Variants in PDE4D observed in about 807,000 individuals in gnomAD.
The protein encoded by PDE4D is phosphodiesterase 4D.
Under a neutral mutation model 87.4 loss-of-function variants are expected in PDE4D, and 24 were observed. That is an observed-to-expected ratio of 0.27 (90% CI 0.20 to 0.39). The LOEUF (loss-of-function observed/expected upper bound fraction) is 0.39, where lower values mean the gene tolerates loss of function less well. Among genes scored for constraint, PDE4D ranks in the 10% least tolerant of loss-of-function variants. PDE4D has a pLI of 1.00. For missense variants in PDE4D, 714 were observed against 1,041.0 expected, an observed-to-expected ratio of 0.69 and a Z score of 4.32; for synonymous variants, 384 against 383.2, an observed-to-expected ratio of 1.00 and a Z score of -0.02.
intron 1 of PDE4D, among the ~76,000 whole-genome samples, chr5:59,882,378 T>G (rs1223741181): frequency 1.3e-5 from 2 of 152,136 alleles, no homozygotes; most frequent in African/African-American, 4.8e-5. Context: ...AAAATGTGTG[T>G]ATAGAAGAGT....
chr5:59,561,016 C>T (rs1231583141), intron 1 of PDE4D: 1 of 152,208 alleles, frequency 6.6e-6, no homozygotes, highest in Non-Finnish European at 1.5e-5. Flanking sequence ...AAACTGTTCA[C>T]CAATTTCCAG....
At chr5:59,751,155 G>A (rs767618790) in intron 1 of PDE4D, among the ~76,000 whole-genome samples, 2 of 152,078 alleles carry the variant, frequency 1.3e-5, no homozygotes, top group African/African-American at 4.8e-5. Context: ...GAGTAAGATG[G>A]TTTTCTGTGT....
chr5:60,061,033 C>T (rs897039459), intron 2 of PDE4D, among the ~76,000 whole-genome samples: 4 of 152,188 alleles, frequency 2.6e-5, no homozygotes, highest in African/African-American at 9.6e-5. Context: ...GACAAGGATG[C>T]CCTCTCTCTC....
intron 1 of PDE4D, among the ~76,000 whole-genome samples, chr5:59,816,645 C>T (rs1018353805): frequency 1.3e-5 from 2 of 152,154 alleles, no homozygotes; most frequent in Non-Finnish European, 2.9e-5. Flanking sequence ...TTACCTAAGC[C>T]ATTCTCCAAT....
intron 1 of PDE4D, among the ~76,000 whole-genome samples, chr5:60,212,706 A>G (rs1464325765): frequency 1.3e-5 from 2 of 152,200 alleles, no homozygotes; most frequent in Non-Finnish European, 1.5e-5. Flanking sequence ...ATCTGTCCCC[A>G]CTGCACTTAA....
At chr5:60,311,174 G>A (rs919031548) in intron 1 of PDE4D, among the ~76,000 whole-genome samples, 22 of 150,400 alleles carry the variant, frequency 1.5e-4, no homozygotes, top group African/African-American at 1.5e-4. Flanking sequence ...GTGCCACCAC[G>A]CCTGGCTAAT....
intron 1 of PDE4D, among the ~76,000 whole-genome samples, chr5:59,886,538 A>G (rs2152749941): frequency 6.6e-6 from 1 of 152,168 alleles, no homozygotes; most frequent in East Asian, 1.9e-4. Context: ...ATAAAAAAAT[A>G]AAGAAAAGAA....
At chr5:59,652,636 CTG>C (rs895510431) in intron 1 of PDE4D, among the ~76,000 whole-genome samples, 4 of 152,140 alleles carry the variant, frequency 2.6e-5, no homozygotes, top group Non-Finnish European at 4.4e-5. Context: ...TTCCTTATGA[CTG>C]TATATTTGTT....
intron 2 of PDE4D, among the ~76,000 whole-genome samples, chr5:60,090,917 C>T (rs1428905169): frequency 6.6e-6 from 1 of 151,914 alleles, no homozygotes. Flanking sequence ...GAAAGTAATC[C>T]CATTTACAAT....
chr5:59,743,661 TTAGA>T (rs1244484571), intron 1 of PDE4D, among the ~76,000 whole-genome samples: 3 of 152,140 alleles, frequency 2.0e-5, no homozygotes, highest in Admixed American at 1.3e-4. Context: ...TAAGACACAC[TTAGA>T]TATATATCCC....
At chr5:60,143,743 TATTG>T (rs1381394182) in intron 2 of PDE4D, among the ~76,000 whole-genome samples, 1 of 152,002 alleles carries the variant, frequency 6.6e-6, no homozygotes, top group African/African-American at 2.4e-5. Context: ...TAAGAAAATT[TATTG>T]ATTATGTTAG....
At chr5:59,414,236 A>T (rs1793204212) in intron 1 of PDE4D, among the ~76,000 whole-genome samples, 1 of 152,222 alleles carries the variant, frequency 6.6e-6, no homozygotes, top group Non-Finnish European at 1.5e-5. Flanking sequence ...TTTCAAAGAT[A>T]TGGAATGTGA....
chr5:59,451,617 G>A (rs1799167842), intron 1 of PDE4D, among the ~76,000 whole-genome samples: 1 of 152,060 alleles, frequency 6.6e-6, no homozygotes, highest in Admixed American at 6.6e-5. Flanking sequence ...CCTCAATCTT[G>A]TTTCACAGAG....
At chr5:59,329,308 C>T (rs1446403917) in intron 1 of PDE4D, among the ~76,000 whole-genome samples, 1 of 152,138 alleles carries the variant, frequency 6.6e-6, no homozygotes, top group East Asian at 1.9e-4. Context: ...AAATATAGAA[C>T]AGATGGGAAT....
At chr5:59,920,125 G>A (rs1277508796) in intron 3 of PDE4D, among the ~76,000 whole-genome samples, 1 of 152,118 alleles carries the variant, frequency 6.6e-6, no homozygotes, top group Admixed American at 6.5e-5. Flanking sequence ...ATATGCTGGG[G>A]CATTGATGAG....
At chr5:59,480,867 A>T (rs1414582589) in intron 1 of PDE4D, among the ~76,000 whole-genome samples, 1 of 152,090 alleles carries the variant, frequency 6.6e-6, no homozygotes, top group Admixed American at 6.6e-5. Context: ...TGATTAAAAC[A>T]ATTTATGTTA....
At chr5:59,994,397 C>T (rs1288436704) in intron 2 of PDE4D, among the ~76,000 whole-genome samples, 1 of 151,558 alleles carries the variant, frequency 6.6e-6, no homozygotes, top group Non-Finnish European at 1.5e-5. Context: ...TATATTTATA[C>T]ATATACATAT....
intron 2 of PDE4D, among the ~76,000 whole-genome samples, chr5:60,143,670 A>AG (rs11375070): frequency 0.7 from 99,704 of 143,096 alleles, 34,938 homozygotes; most frequent in African/African-American, 0.74. Flanking sequence ...TGTTTTGGGG[A>AG]GGGGGCGGTT....
intron 1 of PDE4D, among the ~76,000 whole-genome samples, chr5:60,515,601 C>CTTTCTTTTTTTTTTTTT (rs1750761192): frequency 1.9e-5 from 2 of 106,816 alleles, no homozygotes; most frequent in Non-Finnish European, 4.0e-5. Context: ...TTTTCTTTTT[C>CTTTCTTTTTTTTTTTTT]TTTTTTTTTT....
Sources: gnomAD v4.1 joint callset for allele counts (sites outside exome capture counted in the v4.1 genomes callset) on GRCh38, gnomAD v4.1.1 for gene constraint, MANE v1.5 for transcripts, NCBI Gene and HGNC (gene_info 2026-07-23, HGNC 2026-07-21) for gene names.